Variants in ANXA8 observed in about 807,000 individuals in gnomAD.
ANXA8 encodes the protein VAC-beta.
A neutral mutation model predicts 26.8 loss-of-function variants in ANXA8; 9 were observed. The observed-to-expected ratio is 0.34, with a 90% CI of 0.20 to 0.59. ANXA8 has a LOEUF of 0.59. ANXA8 is among the 20% of genes least tolerant of loss of function. The pLI, the probability that ANXA8 is intolerant of heterozygous loss-of-function variation, is 0.84. For missense variants in ANXA8, 83 were observed against 238.5 expected, an observed-to-expected ratio of 0.35 and a Z score of 4.29; for synonymous variants, 39 against 94.8, an observed-to-expected ratio of 0.41 and a Z score of 3.42.
the ANXA8 span, among the ~76,000 whole-genome samples, chr10:47,530,617 C>T: frequency 4.0e-5 from 6 of 151,040 alleles, no homozygotes; most frequent in South Asian, 2.1e-4. Context: ...CCCTTGAACC[C>T]GGGAGGCAGA....
the ANXA8 span, among the ~76,000 whole-genome samples, chr10:47,932,709 T>TCC: frequency 4.7e-5 from 4 of 84,566 alleles, 1 homozygote; most frequent in Non-Finnish European, 8.9e-5. Context: ...TCTCTCTCTC[T>TCC]CTCTCTCTTT....
the ANXA8 span, among the ~76,000 whole-genome samples, chr10:47,708,081 G>C: frequency 9.4e-5 from 13 of 138,050 alleles, no homozygotes; most frequent in African/African-American, 3.2e-4. Context: ...GCTCATGCCT[G>C]TAATTCCCAC....
chr10:47,581,884 C>T, the ANXA8 span, among the ~76,000 whole-genome samples: 930 of 150,480 alleles, frequency 6.2e-3, 18 homozygotes, highest in Non-Finnish European at 0.011. Flanking sequence ...GTATTACAGG[C>T]GTGAGCCACC....
the ANXA8 span, among the ~76,000 whole-genome samples, chr10:47,596,762 A>C: frequency 6.7e-6 from 1 of 148,190 alleles, no homozygotes; most frequent in African/African-American, 2.6e-5. Flanking sequence ...AATGAATTAC[A>C]GAATGAATTG....
the ANXA8 span, chr10:47,750,896 TAA>T: frequency 1.3e-5 from 2 of 151,632 alleles, no homozygotes; most frequent in African/African-American, 4.9e-5. Flanking sequence ...ACAAGAATGT[TAA>T]GTTTGGTTTG....
the ANXA8 span, among the ~76,000 whole-genome samples, chr10:47,733,267 CTTTCTTTCT>C: frequency 1.0e-5 from 1 of 97,610 alleles, no homozygotes; most frequent in Non-Finnish European, 2.1e-5. Context: ...TTCTTTCTTT[CTTTCTTTCT>C]TTCTTTCTTT....
the ANXA8 span, among the ~76,000 whole-genome samples, chr10:47,687,734 C>A: frequency 1.7e-4 from 26 of 151,766 alleles, no homozygotes; most frequent in Non-Finnish European, 2.6e-4. Flanking sequence ...GAAGGTTATT[C>A]TTTCTATGAG....
chr10:47,738,629 T>C, the ANXA8 span, among the ~76,000 whole-genome samples: 656 of 151,086 alleles, frequency 4.3e-3, no homozygotes, highest in African/African-American at 0.015. Flanking sequence ...CAGGCTGGAG[T>C]GCAGTGGTAT....
the ANXA8 span, among the ~76,000 whole-genome samples, chr10:47,743,736 G>A: frequency 1.3e-5 from 2 of 150,266 alleles, no homozygotes; most frequent in African/African-American, 4.9e-5. Flanking sequence ...ACAGGCCGCG[G>A]ATCGCGCTCT....
upstream of ANXA8, among the ~76,000 whole-genome samples, chr10:47,485,924 T>C (rs1203365325): frequency 3.3e-5 from 5 of 151,818 alleles, no homozygotes; most frequent in South Asian, 4.2e-4. Flanking sequence ...CTGGCTAACA[T>C]GGTGAAACCC....
the ANXA8 span, among the ~76,000 whole-genome samples, chr10:47,721,198 A>G: frequency 7.1e-6 from 1 of 141,818 alleles, no homozygotes; most frequent in African/African-American, 2.5e-5. Context: ...TTGATTTATT[A>G]ATAGTTAAGG....
At chr10:47,664,436 C>T in the ANXA8 span, among the ~76,000 whole-genome samples, 6 of 151,600 alleles carry the variant, frequency 4.0e-5, no homozygotes, top group Admixed American at 1.3e-4. Flanking sequence ...GGTGTGGTGG[C>T]GGGTGCCTGT....
At chr10:47,647,960 T>A in the ANXA8 span, among the ~76,000 whole-genome samples, 1 of 151,752 alleles carries the variant, frequency 6.6e-6, no homozygotes, top group Non-Finnish European at 1.5e-5. Context: ...CTTAGATGAA[T>A]AAAGGGAAGA....
chr10:47,922,092 G>A, the ANXA8 span: 2 of 509,928 alleles, frequency 3.9e-6, 1 homozygote, highest in Non-Finnish European at 5.7e-6. Flanking sequence ...AACATTGCCA[G>A]GATTCCGTGG....
the ANXA8 span, among the ~76,000 whole-genome samples, chr10:47,579,831 AT>A: frequency 7.5e-6 from 1 of 133,852 alleles, no homozygotes; most frequent in African/African-American, 3.0e-5. Context: ...AAAACATTTT[AT>A]GTTCGTAAGA....
the ANXA8 span, among the ~76,000 whole-genome samples, chr10:47,633,843 ATGTT>A: frequency 6.7e-6 from 1 of 149,428 alleles, no homozygotes; most frequent in East Asian, 1.9e-4. Flanking sequence ...TACCACTCAA[ATGTT>A]TTTCACCCAG....
At chr10:47,650,627 A>C in the ANXA8 span, among the ~76,000 whole-genome samples, 1 of 144,588 alleles carries the variant, frequency 6.9e-6, no homozygotes, top group Non-Finnish European at 1.5e-5. Flanking sequence ...TAACATGGTG[A>C]AACCCCGTCT....
the ANXA8 span, among the ~76,000 whole-genome samples, chr10:47,680,435 G>C: frequency 6.6e-6 from 1 of 151,830 alleles, no homozygotes; most frequent in Non-Finnish European, 1.5e-5. Flanking sequence ...AGGAGTTCAA[G>C]ACTAGCCTGG....
the ANXA8 span, among the ~76,000 whole-genome samples, chr10:47,771,966 C>A: frequency 1.3e-5 from 2 of 151,610 alleles, no homozygotes; most frequent in Admixed American, 1.3e-4. Context: ...CTAAATAGGG[C>A]TTACACCATA....
Sources: allele counts gnomAD v4.1 joint callset (sites outside exome capture counted in the v4.1 genomes callset), GRCh38; gene constraint gnomAD v4.1.1; transcripts MANE v1.5; gene names NCBI Gene and HGNC (gene_info 2026-07-23, HGNC 2026-07-21).